CPQ: variants seen among roughly 807,000 people sequenced by gnomAD.
CPQ encodes carboxypeptidase Q.
In CPQ, 37 loss-of-function variants were observed where a neutral mutation model predicts 45.7. The ratio of observed to expected loss-of-function variants is 0.81; its 90% CI spans 0.62 to 1.07. The LOEUF is 1.07. CPQ is among the 50% of genes least tolerant of loss of function. CPQ has a pLI of 0.00. For synonymous variants in CPQ, 186 were observed against 205.8 expected (o/e 0.90, Z 0.82); for missense variants, 537 against 572.9 (o/e 0.94, Z 0.64).
intron 1 of CPQ, among the ~76,000 whole-genome samples, chr8:96,749,752 A>G (rs1460267377): frequency 3.3e-5 from 5 of 152,306 alleles, no homozygotes; most frequent in African/African-American, 1.2e-4. Context: ...ACTGTTAGTG[A>G]GGACAGAAGT....
At chr8:96,984,396 AG>A (rs1402982651) in intron 5 of CPQ, among the ~76,000 whole-genome samples, 1 of 152,186 alleles carries the variant, frequency 6.6e-6, no homozygotes, top group African/African-American at 2.4e-5. Context: ...TTAGGTCATG[AG>A]GGATCTGCCC....
chr8:97,090,784 C>T (rs772631316), intron 7 of CPQ, among the ~76,000 whole-genome samples: 16 of 152,190 alleles, frequency 1.1e-4, no homozygotes, highest in Non-Finnish European at 2.2e-4. Flanking sequence ...GGACAGTTCT[C>T]AAGCGGTTCT....
At chr8:97,003,280 A>G (rs1809317285) in intron 5 of CPQ, among the ~76,000 whole-genome samples, 1 of 152,078 alleles carries the variant, frequency 6.6e-6, no homozygotes, top group South Asian at 2.1e-4. Context: ...ATTTATATCT[A>G]TGGATTTGAT....
chr8:96,851,828 A>G (rs73277795), intron 3 of CPQ, among the ~76,000 whole-genome samples: 1 of 152,280 alleles, frequency 6.6e-6, no homozygotes, highest in African/African-American at 2.4e-5. Flanking sequence ...TGGAAGATGG[A>G]TTTTGAAAGT....
chr8:96,802,024 T>G lies in CPQ; in HGVS notation c.433+16694T>G, dbSNP rs552440989. Among the ~76,000 whole-genome samples the G allele has an allele frequency of 4.2e-4, 64 of 152,344 alleles. No homozygotes were observed. The South Asian group carries it at 0.013, about 30-fold the overall frequency. On this transcript the variant is annotated intron_variant, in intron 2 of 7. Transcript: ENST00000220763. ...CATCTCTTTGTCTTTGTGTTTATTT[T>G]TTCAGCTTCTCTCTGTGTGTCTTTT...
At chr8:96,928,361 A>G (rs74945311) in intron 4 of CPQ, among the ~76,000 whole-genome samples, 3,220 of 150,732 alleles carry the variant, frequency 0.021, 87 homozygotes, top group African/African-American at 0.064. Flanking sequence ...TTCCTTTCTT[A>G]TGAGCTATCT....
intron 2 of CPQ, among the ~76,000 whole-genome samples, chr8:96,792,511 G>A (rs1429223606): frequency 6.6e-6 from 1 of 152,068 alleles, no homozygotes; most frequent in Non-Finnish European, 1.5e-5. Flanking sequence ...AAAATTTTAG[G>A]ATTGTATGTT....
intron 4 of CPQ, among the ~76,000 whole-genome samples, chr8:96,886,419 A>G (rs1221162317): frequency 6.6e-6 from 1 of 152,108 alleles, no homozygotes; most frequent in Non-Finnish European, 1.5e-5. Context: ...TATTATTTCT[A>G]CCCCCACTTA....
intron 1 of CPQ, among the ~76,000 whole-genome samples, chr8:96,743,815 C>T (rs984325951): frequency 4.4e-5 from 6 of 135,508 alleles, no homozygotes; most frequent in Admixed American, 2.2e-4. Context: ...GACCCACTTG[C>T]GGAGGCAGTC....
Position 96,831,196 on chromosome 8 carries a change from C to T in CPQ, c.434-3777C>T, listed in dbSNP as rs192381495. 1.4e-3 allele frequency among the ~76,000 whole-genome samples: 207 copies of T among 151,896 alleles called. 2 individuals are homozygous for T. The highest frequency in any genetic ancestry group is 9.9e-3 in the Admixed American group (151 of 15,234). On this transcript the variant is annotated intron_variant, in intron 2 of 7. Transcript: ENST00000220763. ...ATGGGGTATTATACTTTTATTTTTTCGGTTTCTCTTCATTCATTCAGTGGG... is the reference window on the plus strand; with the variant it reads ...ATGGGGTATTATACTTTTATTTTTTTGGTTTCTCTTCATTCATTCAGTGGG...
intron 7 of CPQ, among the ~76,000 whole-genome samples, chr8:97,113,125 G>A (rs573344867): frequency 4.3e-4 from 65 of 152,290 alleles, no homozygotes; most frequent in Non-Finnish European, 5.1e-4. Context: ...GGCCATCAGC[G>A]AGTGGGGGCA....
chr8:96,839,741 A>G (rs1586421669), intron 3 of CPQ, among the ~76,000 whole-genome samples: 1 of 152,276 alleles, frequency 6.6e-6, no homozygotes, highest in African/African-American at 2.4e-5. Flanking sequence ...AGAACATGTA[A>G]GTGATTAGTG....
chr8:96,930,197 A>G (rs1812953968), intron 4 of CPQ, among the ~76,000 whole-genome samples: 2 of 152,238 alleles, frequency 1.3e-5, no homozygotes, highest in African/African-American at 4.8e-5. Flanking sequence ...AGAGAAAGTC[A>G]CAGAGCAAAG....
In CPQ at chr8:96,753,156, G is replaced by C. The variant is rs565909951; in HGVS notation, c.-34-31708G>C. On this transcript the variant is annotated intron_variant, in intron 1 of 7. Transcript: ENST00000220763. Reference sequence around the variant, plus strand: ...CAGTTTTACACAAACCGTTTATAGAGTAGTCCATTTTTTCCATATTGGTTT... The same window carrying C: ...CAGTTTTACACAAACCGTTTATAGACTAGTCCATTTTTTCCATATTGGTTT... 1.4e-3 allele frequency among the ~76,000 whole-genome samples: 218 copies of C among 152,196 alleles called. 4 individuals are homozygous for C. Among genetic ancestry groups the C allele is most frequent in the Admixed American group, 0.011 (169 of 15,258 alleles).
chr8:96,984,059 C>T (rs886506999), intron 5 of CPQ, among the ~76,000 whole-genome samples: 1 of 151,898 alleles, frequency 6.6e-6, no homozygotes, highest in African/African-American at 2.4e-5. Context: ...GTTTTTCTTA[C>T]CCTCTCTCCT....
chr8:96,876,767 G>T (rs1240306465), intron 3 of CPQ, among the ~76,000 whole-genome samples: 1 of 152,038 alleles, frequency 6.6e-6, no homozygotes, highest in Non-Finnish European at 1.5e-5. Flanking sequence ...TGTGTTCCTG[G>T]GATAAATCCC....
At chr8:97,015,533 T>C (rs1037937983) in intron 5 of CPQ, among the ~76,000 whole-genome samples, 10 of 152,016 alleles carry the variant, frequency 6.6e-5, no homozygotes, top group Admixed American at 2.0e-4. Flanking sequence ...TGTGTGAAAA[T>C]GAACAGAATA....
At chr8:97,042,596 C>A (rs994300447) in intron 6 of CPQ, among the ~76,000 whole-genome samples, 37 of 151,512 alleles carry the variant, frequency 2.4e-4, no homozygotes, top group Admixed American at 1.3e-3. Flanking sequence ...AATTTTGGAT[C>A]TTTCCTGCTT....
rs115173791 is a variant in CPQ at position 96,907,292 on chromosome 8, A to T, written c.849+27287A>T. Among the ~76,000 whole-genome samples the T allele has an allele frequency of 2.5e-3, 384 of 152,286 alleles. 3 individuals carry two copies. The highest frequency in any genetic ancestry group is 8.8e-3 in the African/African-American group (367 of 41,564). On this transcript the variant is annotated intron_variant, in intron 4 of 7. Coordinates refer to ENST00000220763, the MANE Select transcript of CPQ (RefSeq NM_016134.4). ...TTGTTGCCCTGCTGTCACGTAGGAC[A>T]CTGCCATCATTTACTTTGCAGAAGC... is the stretch of plus-strand genomic sequence containing the variant.
Sources: allele counts gnomAD v4.1 joint callset (sites outside exome capture counted in the v4.1 genomes callset), GRCh38; gene constraint gnomAD v4.1.1; transcripts MANE v1.5; gene names NCBI Gene and HGNC (gene_info 2026-07-23, HGNC 2026-07-21).